AFAP1: variants seen among roughly 807,000 people sequenced by gnomAD.
AFAP1 encodes actin filament-associated protein 1.
A neutral mutation model predicts 93.9 loss-of-function variants in AFAP1; 75 were observed. The ratio of observed to expected loss-of-function variants is 0.80; its 90% CI spans 0.66 to 0.97. The LOEUF is 0.97. Among genes scored for constraint, AFAP1 ranks in the 50% least tolerant of loss-of-function variants. AFAP1 has a pLI of 0.00. For missense variants in AFAP1, 1,201 were observed against 1,050.8 expected (o/e 1.14, Z -1.98); for synonymous variants, 517 against 430.7 (o/e 1.20, Z -2.48).
At chr4:7,816,772 C>A (rs115368169) in intron 7 of AFAP1, among the ~76,000 whole-genome samples, 2 of 152,180 alleles carry the variant, frequency 1.3e-5, no homozygotes, top group African/African-American at 4.8e-5. Flanking sequence ...GTCCTCAGAG[C>A]CTGTGCCTTC....
At chr4:7,831,242 A>G (rs1160927788) in intron 6 of AFAP1, among the ~76,000 whole-genome samples, 1 of 152,108 alleles carries the variant, frequency 6.6e-6, no homozygotes, top group African/African-American at 2.4e-5. Flanking sequence ...TTTCCTTTCT[A>G]ATCAAGACTT....
intron 1 of AFAP1, among the ~76,000 whole-genome samples, chr4:7,883,453 T>TC (rs1717966147): frequency 6.6e-6 from 1 of 152,068 alleles, no homozygotes; most frequent in Non-Finnish European, 1.5e-5. Flanking sequence ...AGGAAACACT[T>TC]CAAGAATTCC....
chr4:7,789,808 A>T (rs1172683317), intron 11 of AFAP1, among the ~76,000 whole-genome samples: 1 of 152,106 alleles, frequency 6.6e-6, no homozygotes, highest in Non-Finnish European at 1.5e-5. Context: ...CGTTCTCTTC[A>T]TCCTCCCAAC....
intron 1 of AFAP1, among the ~76,000 whole-genome samples, chr4:7,879,516 G>GA (rs902655933): frequency 2.0e-4 from 31 of 152,126 alleles, no homozygotes; most frequent in African/African-American, 6.7e-4. Flanking sequence ...AATTCCAGAA[G>GA]AAAAAATCTT....
intron 1 of AFAP1, among the ~76,000 whole-genome samples, chr4:7,915,394 C>A (rs1720033610): frequency 6.6e-6 from 1 of 151,930 alleles, no homozygotes; most frequent in South Asian, 2.1e-4. Flanking sequence ...TGACTCCAAC[C>A]TGTAAGCCCA....
At chr4:7,772,347 A>C in intron 16 of AFAP1, 1 of 153,590 alleles carries the variant, frequency 6.5e-6, no homozygotes, top group Non-Finnish European at 1.4e-5. Context: ...CTGAAGAGGA[A>C]CCAGGGACAG....
chr4:7,796,102 G>A (rs1395148187), intron 10 of AFAP1, among the ~76,000 whole-genome samples: 7 of 152,110 alleles, frequency 4.6e-5, no homozygotes, highest in African/African-American at 1.4e-4. Context: ...TGTTTCTAGC[G>A]TTTGTCTACT....
intron 1 of AFAP1, among the ~76,000 whole-genome samples, chr4:7,886,014 C>T (rs988219618): frequency 6.6e-6 from 1 of 152,182 alleles, no homozygotes; most frequent in Non-Finnish European, 1.5e-5. Context: ...ATTATTTCCA[C>T]AGGCCTCCGC....
intron 11 of AFAP1, among the ~76,000 whole-genome samples, chr4:7,791,156 G>A (rs1208781632): frequency 7.2e-5 from 11 of 152,186 alleles, no homozygotes; most frequent in Admixed American, 6.5e-4. Context: ...AACAGCACAG[G>A]CATCTGAGCC....
intron 1 of AFAP1, among the ~76,000 whole-genome samples, chr4:7,894,113 A>C (rs998185799): frequency 1.3e-5 from 2 of 152,218 alleles, no homozygotes; most frequent in African/African-American, 4.8e-5. Context: ...ACTTGGGAAC[A>C]GTGGGGGTTA....
chr4:7,789,518 C>T (rs1253424853), intron 11 of AFAP1, among the ~76,000 whole-genome samples: 1 of 138,104 alleles, frequency 7.2e-6, no homozygotes, highest in East Asian at 2.1e-4. Context: ...TCTCCCCATG[C>T]TCCGCACAAG....
At chr4:7,899,121 A>C (rs1446031691) in intron 1 of AFAP1, among the ~76,000 whole-genome samples, 4 of 152,100 alleles carry the variant, frequency 2.6e-5, no homozygotes, top group East Asian at 3.9e-4. Context: ...GAATTTCAAA[A>C]TAATATGATG....
In AFAP1 at chr4:7,781,390, C is replaced by G; in HGVS notation, c.1768G>C (p.Gly590Arg). ...AGATGCCGTACCTGCGAGTTGAGCC[C>G]GAGAGACGCCCTCCCCACAGAAGAG... ...NTSSVGRASL[G>R]LNSQLKGKKP... The change falls in exon 13 of 18, where the codon GGG becomes CGG. Residue 590 changes from glycine (G) to arginine (R), a missense_variant. Gly to Arg is a moderately radical substitution (Grantham distance 125). Coordinates refer to ENST00000420658, the MANE Select transcript of AFAP1 (RefSeq NM_001134647.2). 1 of 1,551,552 alleles carries G rather than the reference C, an allele frequency of 6.4e-7. No homozygotes were observed. The highest frequency in any genetic ancestry group is 8.7e-7 in the Non-Finnish European group (1 of 1,146,884).
chr4:7,786,274 G>A lies in AFAP1; in HGVS notation c.1450C>T (p.Leu484=), dbSNP rs1435756370. The part of the protein sequence containing the change: ...NRRVISANPY[L]GGTSNGYAHP... ...GCATAGCCGTTGGAGGTGCCCCCTA[G>A]ATATGGGTTAGCAGATATAACACGC... Residue 484 remains leucine (L), a synonymous_variant, in exon 12 of 18, where the codon CTA becomes TTA. Transcript: ENST00000420658. The A allele has an allele frequency of 6.2e-7, 1 of 1,614,214 alleles. No individual in the cohort carries two copies. The highest frequency in any genetic ancestry group is 2.2e-5 in the East Asian group (1 of 44,888).
intron 4 of AFAP1, among the ~76,000 whole-genome samples, chr4:7,844,652 C>T (rs1713479488): frequency 6.6e-6 from 1 of 152,204 alleles, no homozygotes; most frequent in South Asian, 2.1e-4. Flanking sequence ...AGGGCAAGTG[C>T]CCAAATAACT....
intron 4 of AFAP1, among the ~76,000 whole-genome samples, chr4:7,853,396 G>A (rs929884227): frequency 1.5e-4 from 23 of 152,208 alleles, no homozygotes; most frequent in African/African-American, 5.3e-4. Context: ...GGGGAGCAGT[G>A]GCCCCAGACT....
intron 1 of AFAP1, among the ~76,000 whole-genome samples, chr4:7,892,956 C>T (rs1718557055): frequency 6.6e-6 from 1 of 152,124 alleles, no homozygotes; most frequent in Non-Finnish European, 1.5e-5. Flanking sequence ...AAACACACAA[C>T]CAGAAAAAGA....
chr4:7,827,671 G>C (rs768053834), intron 6 of AFAP1, among the ~76,000 whole-genome samples: 59 of 147,630 alleles, frequency 4.0e-4, no homozygotes, highest in Non-Finnish European at 4.6e-4. Flanking sequence ...CCAACCCATA[G>C]AACAAAGAAG....
At chr4:7,809,552 T>C (rs1560172509) in intron 9 of AFAP1, 62 bp downstream of exon 9, 2 of 1,558,314 alleles carry the variant, frequency 1.3e-6, no homozygotes, top group Non-Finnish European at 1.7e-6. Flanking sequence ...CCGACACCAC[T>C]GCAGGAGAAA....
Sources: gnomAD v4.1 joint callset for allele counts (sites outside exome capture counted in the v4.1 genomes callset) on GRCh38, gnomAD v4.1.1 for gene constraint, MANE v1.5 for transcripts, NCBI Gene and HGNC (gene_info 2026-07-23, HGNC 2026-07-21) for gene names.